Variants in COX15 observed in about 807,000 individuals in gnomAD.
COX15 encodes the protein cytochrome c oxidase assembly factor COX15, also known as heme A synthase COX15.
Under a neutral mutation model 51.9 loss-of-function variants are expected in COX15, and 51 were observed. The observed-to-expected ratio is 0.98, with a 90% CI of 0.78 to 1.24. The LOEUF (loss-of-function observed/expected upper bound fraction) is 1.24, where lower values mean the gene tolerates loss of function less well. Ranked by LOEUF, COX15 falls within the 50% of genes most tolerant of loss-of-function variation. COX15 has a pLI of 0.00. For synonymous variants in COX15, 188 were observed against 190.5 expected (o/e 0.99, Z 0.11); for missense variants, 420 against 501.1 (o/e 0.84, Z 1.55).
chr10:99,714,755 A>G, intron 8 of COX15, 37 bp from the exon 9 acceptor site: 1 of 1,610,380 alleles, frequency 6.2e-7, no homozygotes. Flanking sequence ...GAAAGGCAGT[A>G]ACCCAAAGTT....
the COX15 span, among the ~76,000 whole-genome samples, chr10:99,699,848 G>A: frequency 5.3e-5 from 8 of 152,102 alleles, no homozygotes; most frequent in Admixed American, 4.6e-4. Flanking sequence ...TTACAGGCGT[G>A]AGTCACCGTA....
chr10:99,716,868 GA>G (rs1022954280), intron 7 of COX15, among the ~76,000 whole-genome samples: 2 of 151,984 alleles, frequency 1.3e-5, no homozygotes, highest in African/African-American at 4.8e-5. Context: ...TGTGAGTGGA[GA>G]AAGTGCTGGT....
the COX15 span, among the ~76,000 whole-genome samples, chr10:99,694,359 G>A: frequency 2.0e-5 from 3 of 152,250 alleles, no homozygotes; most frequent in African/African-American, 7.2e-5. Context: ...CTCGTGGTAT[G>A]GGTATTTCAT....
chr10:99,728,935 C>A (rs2037047393), intron 2 of COX15, among the ~76,000 whole-genome samples: 1 of 152,126 alleles, frequency 6.6e-6, no homozygotes. Context: ...GGGTTTAATT[C>A]AAACAAACTG....
At chr10:99,717,897 C>G (rs1187599682) in intron 7 of COX15, among the ~76,000 whole-genome samples, 2 of 152,190 alleles carry the variant, frequency 1.3e-5, no homozygotes, top group African/African-American at 4.8e-5. Context: ...ACCCTCAAAA[C>G]ATATTCGCTT....
chr10:99,704,534 G>C, the COX15 span: 1 of 1,614,136 alleles, frequency 6.2e-7, no homozygotes, highest in Non-Finnish European at 8.5e-7. Context: ...TCTCTTCTTT[G>C]CCTGTATCCT....
chr10:99,723,846 G>A (rs754347887), intron 5 of COX15, 110 bp downstream of exon 5: 193 of 1,264,096 alleles, frequency 1.5e-4, no homozygotes, highest in Middle Eastern at 5.3e-4. Flanking sequence ...AATAGAAAAT[G>A]TTGGCAAAAT....
intron 7 of COX15, 149 bp downstream of exon 7, chr10:99,718,195 TAG>T (rs2036635761): frequency 1.1e-6 from 1 of 875,380 alleles, no homozygotes; most frequent in Non-Finnish European, 1.8e-6. Context: ...GACATTAGAT[TAG>T]AGAAATGGTC....
chr10:99,700,790 A>G, the COX15 span: 1 of 647,618 alleles, frequency 1.5e-6, no homozygotes, highest in Non-Finnish European at 2.8e-6. Flanking sequence ...GGTGCTAGAC[A>G]TGGGATGACG....
In COX15 at chr10:99,711,680, C is replaced by T. The variant is rs976374968; in HGVS notation, c.*2907G>A. On this transcript the variant is annotated 3_prime_UTR_variant, in exon 9 of 9. Coordinates refer to ENST00000016171, the MANE Select transcript of COX15 (RefSeq NM_078470.6). ...TAATTGGTCTTAGATGAGGCTTGGG[C>T]TTTGGGATTTTTCTAAGATTCAAAT... is the stretch of plus-strand genomic sequence containing the variant. 1.0e-6 allele frequency: 1 copy of T among 985,164 alleles called. No individual in the cohort carries two copies. The highest frequency in any genetic ancestry group is 6.2e-5 in the Admixed American group (1 of 16,242). The allele number at this position is 985,164 out of a possible 1,614,324, so 61.0% of individuals were successfully genotyped here.
downstream of COX15, chr10:99,708,864 G>C (rs1342281285): frequency 1.0e-6 from 1 of 985,220 alleles, no homozygotes; most frequent in Non-Finnish European, 1.2e-6. Context: ...CTCATTAACA[G>C]AATCTTTCTG....
the COX15 span, chr10:99,705,539 T>A: frequency 6.6e-6 from 1 of 152,204 alleles, no homozygotes; most frequent in African/African-American, 2.4e-5. Flanking sequence ...GGCCTGTTTT[T>A]GTGAGCCCTT....
At chr10:99,708,764 A>C (rs1309792891), downstream of COX15, 4 of 921,126 alleles carry the variant, frequency 4.3e-6, no homozygotes, top group Non-Finnish European at 1.3e-6. Flanking sequence ...TATATGGGTG[A>C]TAAAACTGAG....
the COX15 span, chr10:99,702,590 G>A: frequency 6.2e-7 from 1 of 1,613,570 alleles, no homozygotes; most frequent in South Asian, 1.1e-5. Context: ...ACCCAAACCT[G>A]CGGACAGCCC....
Position 99,718,374 on chromosome 10 carries a change from G to T in COX15, c.959C>A (p.Thr320Asn). 6.2e-7 allele frequency: 1 copy of T among 1,614,078 alleles called. No homozygotes were observed. The highest frequency in any genetic ancestry group is 8.5e-7 in the Non-Finnish European group (1 of 1,179,998). Reference protein sequence around the residue: ...PILRNVFENPTMVQFDHRILG... With the variant: ...PILRNVFENPNMVQFDHRILG... ...AATCCGGTGATCAAACTGCACCATGGTGGGATTCTCAAAAACATTCCTCAG... is the reference window on the plus strand; with the variant it reads ...AATCCGGTGATCAAACTGCACCATGTTGGGATTCTCAAAAACATTCCTCAG... Residue 320 changes from threonine (T) to asparagine (N), a missense_variant, in exon 7 of 9, where the codon ACC becomes AAC. Coordinates refer to ENST00000016171, the MANE Select transcript of COX15 (RefSeq NM_078470.6).
intron 5 of COX15, among the ~76,000 whole-genome samples, chr10:99,721,327 T>G (rs535131517): frequency 6.6e-6 from 1 of 152,368 alleles, no homozygotes; most frequent in South Asian, 2.1e-4. Context: ...TAGAGCAATC[T>G]TAGCCTAGTG....
chr10:99,714,043 C>T lies in COX15; in HGVS notation c.*544G>A, dbSNP rs1407269711. The T allele has an allele frequency of 9.9e-6, 10 of 1,008,002 alleles. No individual in the cohort carries two copies. In the East Asian group the frequency reaches 8.9e-4, roughly 90 times the overall value. 62.4% of individuals were successfully genotyped at this position (1,008,002 alleles called of 1,614,324 possible). On this transcript the variant is annotated 3_prime_UTR_variant, in exon 9 of 9. Transcript: ENST00000016171. The stretch of plus-strand genomic sequence containing the variant: ...CAAGTACTTAAAAACCATTTTGCTA[C>T]ATATACACATTAAGCTTGTCAAAAT...
the COX15 span, chr10:99,698,619 A>G: frequency 6.2e-7 from 1 of 1,614,116 alleles, no homozygotes; most frequent in South Asian, 1.1e-5. Context: ...TGTGGTGGAG[A>G]GGAACAGCCA....
chr10:99,728,946 T>TA (rs1269233402), intron 2 of COX15, among the ~76,000 whole-genome samples: 4 of 152,096 alleles, frequency 2.6e-5, no homozygotes, highest in Non-Finnish European at 5.9e-5. Flanking sequence ...AAACAAACTG[T>TA]AAAAAAAGTT....
Sources: gnomAD v4.1 joint callset for allele counts (sites outside exome capture counted in the v4.1 genomes callset) on GRCh38, gnomAD v4.1.1 for gene constraint, MANE v1.5 for transcripts, NCBI Gene and HGNC (gene_info 2026-07-23, HGNC 2026-07-21) for gene names.